RAPGEF5: variants seen among roughly 807,000 people sequenced by gnomAD.
RAPGEF5 encodes the protein M-Ras-regulated GEF.
Under a neutral mutation model 125.2 loss-of-function variants are expected in RAPGEF5, and 65 were observed. That is an observed-to-expected ratio of 0.52 (90% CI 0.43 to 0.64). The LOEUF is 0.64. RAPGEF5 is among the 30% of genes least tolerant of loss of function. The probability of loss-of-function intolerance (pLI) is 0.00; values close to 1 mark genes in which losing one functional copy is unlikely to be tolerated. For missense variants in RAPGEF5, 958 were observed against 1,048.1 expected, an observed-to-expected ratio of 0.91 and a Z score of 1.19; for synonymous variants, 391 against 385.9, an observed-to-expected ratio of 1.01 and a Z score of -0.16.
chr7:22,330,083 C>T (rs976261546), intron 1 of RAPGEF5, among the ~76,000 whole-genome samples: 1 of 152,174 alleles, frequency 6.6e-6, no homozygotes, highest in Non-Finnish European at 1.5e-5. Flanking sequence ...CCTGTCACCT[C>T]CAACCCTATA....
chr7:22,285,457 A>G (rs1782775637), intron 6 of RAPGEF5, among the ~76,000 whole-genome samples: 1 of 152,212 alleles, frequency 6.6e-6, no homozygotes. Context: ...ACCTCATGCT[A>G]TTACTGAACC....
At chr7:22,320,060 G>A (rs1173406430) in intron 1 of RAPGEF5, among the ~76,000 whole-genome samples, 3 of 152,228 alleles carry the variant, frequency 2.0e-5, no homozygotes, top group Non-Finnish European at 4.4e-5. Flanking sequence ...ATACTGAATA[G>A]ATAGCAGCGT....
intron 7 of RAPGEF5, among the ~76,000 whole-genome samples, chr7:22,246,132 G>A (rs1377777020): frequency 2.6e-5 from 4 of 152,102 alleles, no homozygotes; most frequent in Admixed American, 1.3e-4. Context: ...AATGAATATC[G>A]TTAAAATGGC....
At chr7:22,316,482 TATATA>T (rs1328675922) in intron 2 of RAPGEF5, among the ~76,000 whole-genome samples, 811 of 47,252 alleles carry the variant, frequency 0.017, 11 homozygotes, top group African/African-American at 0.061. Context: ...TATATATATA[TATATA>T]TATTTTTTTT....
chr7:22,205,505 G>C (rs937642943), intron 9 of RAPGEF5, among the ~76,000 whole-genome samples: 16 of 152,258 alleles, frequency 1.1e-4, no homozygotes, highest in African/African-American at 3.1e-4. Context: ...GCTAAACACT[G>C]GGGATAAAAG....
At chr7:22,137,802 CA>C (rs1783123813) in intron 21 of RAPGEF5, among the ~76,000 whole-genome samples, 1 of 152,138 alleles carries the variant, frequency 6.6e-6, no homozygotes, top group South Asian at 2.1e-4. Context: ...TGGTACTTAA[CA>C]AATGCCAGCT....
At chr7:22,139,328 G>A (rs1783180184) in intron 21 of RAPGEF5, among the ~76,000 whole-genome samples, 1 of 152,186 alleles carries the variant, frequency 6.6e-6, no homozygotes, top group Non-Finnish European at 1.5e-5. Flanking sequence ...GAGGTAGCCA[G>A]TCAGGAAGGA....
chr7:22,191,746 C>A, intron 11 of RAPGEF5: 1 of 453,988 alleles, frequency 2.2e-6, no homozygotes, highest in Non-Finnish European at 4.6e-6. Context: ...GGTGATTTGT[C>A]ATTCTCAGTG....
chr7:22,122,756 G>A (rs959239342), intron 25 of RAPGEF5, among the ~76,000 whole-genome samples: 24 of 152,170 alleles, frequency 1.6e-4, no homozygotes, highest in African/African-American at 5.8e-4. Flanking sequence ...ACCTAACATT[G>A]TATATTATTT....
intron 1 of RAPGEF5, among the ~76,000 whole-genome samples, chr7:22,325,255 C>A (rs904696458): frequency 6.6e-6 from 1 of 152,190 alleles, no homozygotes; most frequent in Non-Finnish European, 1.5e-5. Context: ...ACCAACCTAA[C>A]CCACCAGAGG....
intron 20 of RAPGEF5, among the ~76,000 whole-genome samples, chr7:22,143,606 T>C (rs1203669545): frequency 1.3e-5 from 2 of 152,222 alleles, no homozygotes; most frequent in Non-Finnish European, 2.9e-5. Context: ...CTTCATTGTC[T>C]CCACTGAGTT....
intron 11 of RAPGEF5, among the ~76,000 whole-genome samples, chr7:22,191,903 A>G (rs1243572265): frequency 6.6e-6 from 1 of 152,252 alleles, no homozygotes; most frequent in African/African-American, 2.4e-5. Flanking sequence ...ACCCAGACAC[A>G]AAGTCTTGCA....
At chr7:22,129,158 GTTT>G (rs945206498) in intron 24 of RAPGEF5, among the ~76,000 whole-genome samples, 1 of 149,218 alleles carries the variant, frequency 6.7e-6, no homozygotes, top group Admixed American at 6.7e-5. Flanking sequence ...ACTTGTTCAG[GTTT>G]TTTTTTTATT....
At chr7:22,234,155 T>C (rs1196976465) in intron 7 of RAPGEF5, among the ~76,000 whole-genome samples, 2 of 152,240 alleles carry the variant, frequency 1.3e-5, no homozygotes, top group Admixed American at 6.5e-5. Flanking sequence ...GTTGCATGCA[T>C]AAAATATATA....
intron 5 of RAPGEF5, among the ~76,000 whole-genome samples, chr7:22,292,857 A>G (rs149973154): frequency 3.3e-5 from 5 of 152,372 alleles, no homozygotes; most frequent in African/African-American, 1.2e-4. Context: ...GGTATTTTGC[A>G]CTAGCACAGA....
intron 21 of RAPGEF5, among the ~76,000 whole-genome samples, chr7:22,138,744 C>T (rs376991392): frequency 4.0e-4 from 61 of 152,356 alleles, no homozygotes; most frequent in African/African-American, 1.3e-3. Flanking sequence ...GTGCTCTGCA[C>T]ATAGCAGGCA....
chr7:22,352,060 T>A (rs1239067659), intron 1 of RAPGEF5, among the ~76,000 whole-genome samples: 1 of 152,178 alleles, frequency 6.6e-6, no homozygotes, highest in African/African-American at 2.4e-5. Context: ...ATCCAAAAGC[T>A]GGGAATCACT....
At chr7:22,236,300 A>G (rs1251326158) in intron 7 of RAPGEF5, among the ~76,000 whole-genome samples, 1 of 151,870 alleles carries the variant, frequency 6.6e-6, no homozygotes, top group African/African-American at 2.4e-5. Context: ...ATCTGTCTCC[A>G]TTTCTGCCCA....
intron 1 of RAPGEF5, among the ~76,000 whole-genome samples, chr7:22,339,101 C>G (rs973476457): frequency 3.3e-5 from 5 of 152,118 alleles, no homozygotes; most frequent in African/African-American, 7.2e-5. Flanking sequence ...GAACACTCGA[C>G]TGGTAAGAGA....
Sources: gnomAD v4.1 joint callset for allele counts (sites outside exome capture counted in the v4.1 genomes callset) on GRCh38, gnomAD v4.1.1 for gene constraint, MANE v1.5 for transcripts, NCBI Gene and HGNC (gene_info 2026-07-23, HGNC 2026-07-21) for gene names.